Variants in GABRB1 observed in about 807,000 individuals in gnomAD.
GABRB1 encodes the protein gamma-aminobutyric acid type A receptor subunit beta1.
GABRB1 carries 17 observed loss-of-function variants against 51.6 expected under a neutral mutation model. That is an observed-to-expected ratio of 0.33 (90% confidence interval 0.23 to 0.49). The LOEUF is 0.49. Among genes scored for constraint, GABRB1 ranks in the 20% least tolerant of loss-of-function variants. The pLI is 0.99. For synonymous variants in GABRB1, 247 were observed against 218.9 expected (o/e 1.13, Z -1.14); for missense variants, 410 against 600.6 (o/e 0.68, Z 3.32).
At chr4:47,361,744 A>T (rs1726813546) in intron 5 of GABRB1, among the ~76,000 whole-genome samples, 1 of 152,184 alleles carries the variant, frequency 6.6e-6, no homozygotes, top group Non-Finnish European at 1.5e-5. Context: ...AAGGAGGAAG[A>T]CATCAAAGAT....
chr4:47,397,215 T>C (rs985386639), intron 5 of GABRB1, among the ~76,000 whole-genome samples: 1 of 152,230 alleles, frequency 6.6e-6, no homozygotes, highest in Non-Finnish European at 1.5e-5. Flanking sequence ...ATGCCAGTAG[T>C]ATAAAATAAT....
intron 4 of GABRB1, among the ~76,000 whole-genome samples, chr4:47,171,633 T>G (rs1718438897): frequency 6.6e-6 from 1 of 152,162 alleles, no homozygotes; most frequent in Non-Finnish European, 1.5e-5. Context: ...TAAAGAAAAC[T>G]TTCATTAGCT....
chr4:47,238,855 T>A (rs1013569046), intron 4 of GABRB1, among the ~76,000 whole-genome samples: 1 of 152,182 alleles, frequency 6.6e-6, no homozygotes, highest in African/African-American at 2.4e-5. Flanking sequence ...TACTAAGTCT[T>A]GCTGTCATAA....
chr4:47,006,042 G>A (rs1724388897), intron 1 of GABRB1, among the ~76,000 whole-genome samples: 1 of 145,586 alleles, frequency 6.9e-6, no homozygotes, highest in African/African-American at 2.5e-5. Context: ...AATTTCTTTT[G>A]TTTTATTTTG....
At chr4:47,399,012 A>T (rs917110114) in intron 5 of GABRB1, among the ~76,000 whole-genome samples, 1 of 152,092 alleles carries the variant, frequency 6.6e-6, no homozygotes, top group Non-Finnish European at 1.5e-5. Context: ...GGATGGTCTC[A>T]ATCTCCTGAC....
At chr4:47,309,991 T>C (rs1443013937) in intron 4 of GABRB1, among the ~76,000 whole-genome samples, 3 of 152,204 alleles carry the variant, frequency 2.0e-5, no homozygotes, top group Non-Finnish European at 2.9e-5. Context: ...AATAACTCTC[T>C]TTTCTTTCCT....
intron 3 of GABRB1, among the ~76,000 whole-genome samples, chr4:47,107,227 T>A (rs75763004): frequency 0.031 from 4,682 of 152,208 alleles, 104 homozygotes; most frequent in Non-Finnish European, 0.048. Context: ...TGATGATCTC[T>A]TCATGTAATT....
chr4:47,211,332 G>T (rs994752494), intron 4 of GABRB1, among the ~76,000 whole-genome samples: 4 of 152,114 alleles, frequency 2.6e-5, no homozygotes, highest in Admixed American at 2.0e-4. Context: ...CTTAAGAAAA[G>T]TGTGCTTACT....
chr4:47,195,751 G>T (rs966027064), intron 4 of GABRB1, among the ~76,000 whole-genome samples: 1 of 152,002 alleles, frequency 6.6e-6, no homozygotes, highest in African/African-American at 2.4e-5. Context: ...CACTTATTAG[G>T]TTCCAGACAC....
At chr4:47,150,391 G>C (rs1717386882) in intron 3 of GABRB1, among the ~76,000 whole-genome samples, 1 of 150,250 alleles carries the variant, frequency 6.7e-6, no homozygotes, top group African/African-American at 2.4e-5. Flanking sequence ...GAGAGAGAGA[G>C]AGATGTAGAA....
intron 8 of GABRB1, among the ~76,000 whole-genome samples, chr4:47,419,968 T>A (rs1234376759): frequency 6.6e-6 from 1 of 152,228 alleles, no homozygotes; most frequent in East Asian, 1.9e-4. Flanking sequence ...GCCTTATTAA[T>A]AATTACATTC....
intron 4 of GABRB1, among the ~76,000 whole-genome samples, chr4:47,168,380 C>T (rs749742931): frequency 3.9e-5 from 6 of 152,166 alleles, no homozygotes; most frequent in African/African-American, 1.4e-4. Context: ...GCTGCTAAAT[C>T]GTTAACATTC....
At position 47,092,159 on chromosome 4, in the gene GABRB1, TTC is replaced by T. The variant is rs1264912652; in HGVS notation, c.240+59677_240+59678del. On this transcript the variant is annotated intron_variant, in intron 3 of 8. Transcript: ENST00000295454. ...CTTTTCTTTTTCTTTCTTTCTTTCTTTCTTTCTTTTTTTTTTTTTTTTTTTTT... is the reference window on the plus strand; with the variant it reads ...CTTTTCTTTTTCTTTCTTTCTTTCTTTTTCTTTTTTTTTTTTTTTTTTTTT... Among the ~76,000 whole-genome samples the T allele has an allele frequency of 2.4e-5, 3 of 125,008 alleles. No homozygotes were observed. The Admixed American group carries it at 2.6e-4, about 11-fold the overall frequency. The allele number at this position is 125,008 out of a possible 152,430, so 82.0% of individuals were successfully genotyped here. A position where few individuals can be genotyped will look rare whatever the true frequency, so the allele number is the denominator to read the frequency against.
chr4:47,223,527 T>G (rs1225257153), intron 4 of GABRB1, among the ~76,000 whole-genome samples: 1 of 152,160 alleles, frequency 6.6e-6, no homozygotes, highest in African/African-American at 2.4e-5. Flanking sequence ...ATAGTAAGCC[T>G]GACAATTATA....
chr4:47,367,700 C>A (rs1181889894), intron 5 of GABRB1, among the ~76,000 whole-genome samples: 3 of 152,182 alleles, frequency 2.0e-5, no homozygotes, highest in African/African-American at 7.2e-5. Flanking sequence ...TATCACATTG[C>A]CCTGTATATT....
At chr4:47,105,318 C>G (rs1012332299) in intron 3 of GABRB1, among the ~76,000 whole-genome samples, 3 of 152,092 alleles carry the variant, frequency 2.0e-5, no homozygotes, top group Non-Finnish European at 2.9e-5. Context: ...TTTTATCTCT[C>G]TCTCTCTTTC....
intron 3 of GABRB1, among the ~76,000 whole-genome samples, chr4:47,101,212 G>T (rs973736997): frequency 6.6e-6 from 1 of 151,874 alleles, no homozygotes; most frequent in Non-Finnish European, 1.5e-5. Flanking sequence ...CATGTTTAAT[G>T]CCCTGTAAAT....
chr4:47,001,239 T>C (rs933358016), intron 1 of GABRB1, among the ~76,000 whole-genome samples: 12 of 151,968 alleles, frequency 7.9e-5, no homozygotes, highest in Non-Finnish European at 1.0e-4. Context: ...GCCTCCCGGG[T>C]TCACGCCATT....
At chr4:47,420,119 T>G (rs1729049109) in intron 8 of GABRB1, among the ~76,000 whole-genome samples, 1 of 152,196 alleles carries the variant, frequency 6.6e-6, no homozygotes, top group South Asian at 2.1e-4. Context: ...TCACTGGAAC[T>G]GATGAACAAC....
Sources: allele counts gnomAD v4.1 joint callset (sites outside exome capture counted in the v4.1 genomes callset), GRCh38; gene constraint gnomAD v4.1.1; transcripts MANE v1.5; gene names NCBI Gene and HGNC (gene_info 2026-07-23, HGNC 2026-07-21).